Variants in DYNC2H1 observed in about 807,000 individuals in gnomAD.
The protein encoded by DYNC2H1 is cytoplasmic dynein 2 heavy chain 1.
Under a neutral mutation model 570.0 loss-of-function variants are expected in DYNC2H1, and 410 were observed. The observed-to-expected ratio is 0.72, with a 90% confidence interval of 0.66 to 0.78. DYNC2H1 has a LOEUF of 0.78. Among genes scored for constraint, DYNC2H1 ranks in the 30% least tolerant of loss-of-function variants. The pLI, the probability that DYNC2H1 is intolerant of heterozygous loss-of-function variation, is 0.00. For missense variants in DYNC2H1, 4,865 were observed against 5,046.4 expected, an observed-to-expected ratio of 0.96 and a Z score of 1.09; for synonymous variants, 1,688 against 1,677.6, an observed-to-expected ratio of 1.01 and a Z score of -0.15.
intron 75 of DYNC2H1, among the ~76,000 whole-genome samples, chr11:103,293,203 G>C (rs554501252): frequency 6.8e-6 from 1 of 146,602 alleles, no homozygotes; most frequent in African/African-American, 2.5e-5. Context: ...TTCTAAGTTG[G>C]AAGCTTTTTT....
chr11:103,378,219 C>T (rs1941479294), intron 83 of DYNC2H1, among the ~76,000 whole-genome samples: 3 of 152,198 alleles, frequency 2.0e-5, no homozygotes, highest in Admixed American at 2.0e-4. Flanking sequence ...TCCCAAATCC[C>T]TTCCTTTCAC....
At chr11:103,176,112 A>T in intron 36 of DYNC2H1, 123 bp from the exon 37 acceptor site, 1 of 705,916 alleles carries the variant, frequency 1.4e-6, no homozygotes, top group Non-Finnish European at 2.1e-6. Context: ...TAATGTCTTT[A>T]AATGTTACTA....
At chr11:103,332,970 T>G (rs1473530584) in intron 82 of DYNC2H1, among the ~76,000 whole-genome samples, 1 of 150,908 alleles carries the variant, frequency 6.6e-6, no homozygotes, top group East Asian at 2.0e-4. Flanking sequence ...GCCACTGTAC[T>G]CCAGCCCGGG....
At chr11:103,315,526 A>G (rs12282979) in intron 79 of DYNC2H1, among the ~76,000 whole-genome samples, 25,175 of 151,848 alleles carry the variant, frequency 0.17, 2,277 homozygotes, top group Admixed American at 0.25. Context: ...CCTCTTTTTC[A>G]TGTCTTCATA....
At chr11:103,274,045 A>G (rs192615575) in intron 70 of DYNC2H1, among the ~76,000 whole-genome samples, 1 of 152,202 alleles carries the variant, frequency 6.6e-6, no homozygotes, top group Admixed American at 6.5e-5. Flanking sequence ...TCTTGAACCT[A>G]GAGACTACAT....
Position 103,176,257 on chromosome 11 carries a change from A to G in DYNC2H1, c.5697A>G (p.Val1899=). The G allele has an allele frequency of 1.3e-6, 2 of 1,521,320 alleles. No homozygotes were observed. Among genetic ancestry groups the G allele is most frequent in the Non-Finnish European group, 1.8e-6 (2 of 1,136,190 alleles). 94.2% of individuals were successfully genotyped at this position (1,521,320 alleles called of 1,614,324 possible). ...TQNANESHIV[V]QALRLNTMSK... Reference sequence around the variant, plus strand: ...TAGCTAATGAAAGTCATATTGTGGTACAAGCACTGAGGCTTAATACCATGT... The same window carrying G: ...TAGCTAATGAAAGTCATATTGTGGTGCAAGCACTGAGGCTTAATACCATGT... The change falls in exon 37 of 89, where the codon GTA becomes GTG. Residue 1899 remains valine (V), a synonymous_variant. Transcript: ENST00000375735.
At position 103,395,333 on chromosome 11, in the gene DYNC2H1, T is replaced by C. The variant is rs1248647887; in HGVS notation, c.12157-4330T>C. On this transcript the variant is annotated intron_variant, in intron 83 of 88. Coordinates refer to ENST00000375735, the MANE Select transcript of DYNC2H1 (RefSeq NM_001377.3). The surrounding 1 kb of genome is among the most constrained non-coding windows in gnomAD (Gnocchi z 4.3). ...GAGGACCCAGTGATTTCTATATACA[T>C]ATATATTTCTTATTATGTATTATGT... is the stretch of plus-strand genomic sequence containing the variant. Among the ~76,000 whole-genome samples the C allele has an allele frequency of 6.6e-6, 1 of 151,972 alleles. No homozygotes were observed. The highest frequency in any genetic ancestry group is 2.4e-5 in the African/African-American group (1 of 41,404).
chr11:103,213,025 A>G (rs1051574325), intron 54 of DYNC2H1, among the ~76,000 whole-genome samples: 1 of 152,114 alleles, frequency 6.6e-6, no homozygotes, highest in Non-Finnish European at 1.5e-5. Context: ...CTTTCCCCAA[A>G]TCTTCTGATT....
Position 103,200,031 on chromosome 11 carries a change from T to A in DYNC2H1, c.8089-15T>A. 6.5e-7 allele frequency: 1 copy of A among 1,548,094 alleles called. No homozygotes were observed. The highest frequency in any genetic ancestry group is 8.8e-7 in the Non-Finnish European group (1 of 1,140,246). ...ATACTTAAAGGGCACTAAAAAATAT[T>A]TTCTGATTTTGCAGGTGCTGCAACT... is the stretch of plus-strand genomic sequence containing the variant. On this transcript the variant is annotated splice_polypyrimidine_tract_variant and intron_variant, in intron 49 of 88. Coordinates refer to ENST00000375735, the MANE Select transcript of DYNC2H1 (RefSeq NM_001377.3).
At chr11:103,428,310 T>C (rs201262676) in intron 84 of DYNC2H1, among the ~76,000 whole-genome samples, 3 of 31,266 alleles carry the variant, frequency 9.6e-5, no homozygotes, top group African/African-American at 7.4e-4. Context: ...CCTACCATGG[T>C]CTATATCATG....
chr11:103,397,848 C>G (rs1010431479), intron 83 of DYNC2H1, among the ~76,000 whole-genome samples: 3 of 152,062 alleles, frequency 2.0e-5, no homozygotes, highest in African/African-American at 4.8e-5. Context: ...TAAGCCACTC[C>G]AGCCTTGGTG....
intron 65 of DYNC2H1, among the ~76,000 whole-genome samples, chr11:103,248,950 T>C (rs968101280): frequency 4.6e-5 from 7 of 152,146 alleles, no homozygotes; most frequent in African/African-American, 1.7e-4. Flanking sequence ...GCCATGTAAA[T>C]TGGCACTTTC....
At chr11:103,467,836 C>T (rs971326239) in intron 87 of DYNC2H1, among the ~76,000 whole-genome samples, 4 of 152,100 alleles carry the variant, frequency 2.6e-5, no homozygotes, top group African/African-American at 7.2e-5. Context: ...CGCGCCCAGC[C>T]GGCACTGTAC....
intron 18 of DYNC2H1, among the ~76,000 whole-genome samples, chr11:103,147,404 G>A (rs1242883885): frequency 6.6e-6 from 1 of 151,858 alleles, no homozygotes; most frequent in Non-Finnish European, 1.5e-5. Flanking sequence ...TTGGCTACAG[G>A]ATAGTAAATT....
At chr11:103,463,251 A>G (rs1945081710) in intron 87 of DYNC2H1, among the ~76,000 whole-genome samples, 1 of 152,224 alleles carries the variant, frequency 6.6e-6, no homozygotes, top group South Asian at 2.1e-4. Context: ...CAGAAACAGG[A>G]CAGAAAATAA....
intron 82 of DYNC2H1, among the ~76,000 whole-genome samples, chr11:103,333,280 T>C (rs937652368): frequency 1.3e-5 from 2 of 152,198 alleles, no homozygotes; most frequent in African/African-American, 4.8e-5. Context: ...TCTTTGTTTT[T>C]TGAGACAGAG....
intron 63 of DYNC2H1, among the ~76,000 whole-genome samples, chr11:103,238,972 G>A (rs1339189280): frequency 6.6e-6 from 1 of 152,124 alleles, no homozygotes; most frequent in Non-Finnish European, 1.5e-5. Flanking sequence ...TCTCAACAGT[G>A]TCCTGGTTTG....
rs201699295 is a variant in DYNC2H1 at position 103,186,760 on chromosome 11, C to A, written c.6893+259C>A. Among the ~76,000 whole-genome samples the A allele has an allele frequency of 1.4e-4, 19 of 136,216 alleles. No homozygotes were observed. The highest frequency in any genetic ancestry group is 2.3e-4 in the South Asian group (1 of 4,390). 89.4% of individuals were successfully genotyped at this position (136,216 alleles called of 152,430 possible). On this transcript the variant is annotated intron_variant, in intron 42 of 88. Coordinates refer to ENST00000375735, the MANE Select transcript of DYNC2H1 (RefSeq NM_001377.3). The surrounding 1 kb of genome is among the most constrained non-coding windows in gnomAD (Gnocchi z 4.5). ...AAAATTATCCGTCCATATAATACAG[C>A]AAAAAAAAAAAAAAGAATGCCTTAT...
At chr11:103,271,201 C>G (rs1205790694) in intron 70 of DYNC2H1, among the ~76,000 whole-genome samples, 1 of 152,106 alleles carries the variant, frequency 6.6e-6, no homozygotes, top group African/African-American at 2.4e-5. Context: ...AGTGGAAGTT[C>G]TGTGGTTGGA....
Sources: gnomAD v4.1 joint callset for allele counts (sites outside exome capture counted in the v4.1 genomes callset) on GRCh38, gnomAD v4.1.1 for gene constraint, Gnocchi (gnomAD v3.1) non-coding constraint, MANE v1.5 for transcripts, NCBI Gene and HGNC (gene_info 2026-07-23, HGNC 2026-07-21) for gene names.